The following GLIS3 variants were observed in gnomAD, a reference collection of about 807,000 sequenced individuals.
The protein encoded by GLIS3 is GLIS family zinc finger 3.
Under a neutral mutation model 78.6 loss-of-function variants are expected in GLIS3, and 53 were observed. That is an observed-to-expected ratio of 0.67 (90% CI 0.54 to 0.85). The LOEUF (loss-of-function observed/expected upper bound fraction) is 0.85. Ranked by LOEUF, GLIS3 falls within the 40% of genes least tolerant of loss-of-function variation. GLIS3 has a pLI of 0.00. For synonymous variants in GLIS3, 684 were observed against 509.9 expected (o/e 1.34, Z -4.60); for missense variants, 1,703 against 1,231.1 (o/e 1.38, Z -5.74).
chr9:4,243,228 G>A (rs1490315136), intron 2 of GLIS3, among the ~76,000 whole-genome samples: 1 of 152,196 alleles, frequency 6.6e-6, no homozygotes. Context: ...GTCAGATCTT[G>A]TTTAACCTGT....
At chr9:4,364,032 A>G in the GLIS3 span, among the ~76,000 whole-genome samples, 1 of 152,216 alleles carries the variant, frequency 6.6e-6, no homozygotes, top group Admixed American at 6.5e-5. Flanking sequence ...GGTAGCATAT[A>G]ATCCCTATAG....
intron 4 of GLIS3, among the ~76,000 whole-genome samples, chr9:3,999,833 G>A (rs549715199): frequency 1.3e-5 from 2 of 152,214 alleles, no homozygotes; most frequent in South Asian, 4.2e-4. Flanking sequence ...GAACAGAGCT[G>A]GGGGACTTGC....
chr9:4,430,177 G>A, the GLIS3 span, among the ~76,000 whole-genome samples: 1 of 152,156 alleles, frequency 6.6e-6, no homozygotes. Flanking sequence ...ATAAGAGAGG[G>A]CATTGGAAAC....
At chr9:4,380,211 A>G in the GLIS3 span, among the ~76,000 whole-genome samples, 1 of 152,246 alleles carries the variant, frequency 6.6e-6, no homozygotes, top group Non-Finnish European at 1.5e-5. Context: ...CTAACAGAAT[A>G]AATTTGCCTT....
intron 2 of GLIS3, among the ~76,000 whole-genome samples, chr9:4,327,258 G>A (rs1353907793): frequency 6.6e-6 from 1 of 152,206 alleles, no homozygotes; most frequent in African/African-American, 2.4e-5. Context: ...AGAGAGCAGA[G>A]GGAGGTGGGC....
intron 2 of GLIS3, among the ~76,000 whole-genome samples, chr9:4,264,517 C>A (rs1478961177): frequency 2.0e-5 from 3 of 152,186 alleles, no homozygotes; most frequent in Admixed American, 1.3e-4. Flanking sequence ...AATCTCTGAA[C>A]TTCCTATCTC....
intron 2 of GLIS3, among the ~76,000 whole-genome samples, chr9:4,253,875 C>T (rs1824650371): frequency 6.6e-6 from 1 of 152,188 alleles, no homozygotes; most frequent in South Asian, 2.1e-4. Flanking sequence ...TCCCTGACCC[C>T]TTGCACTTCC....
chr9:4,087,880 G>C (rs907820914), intron 4 of GLIS3, among the ~76,000 whole-genome samples: 1 of 152,082 alleles, frequency 6.6e-6, no homozygotes, highest in Non-Finnish European at 1.5e-5. Context: ...CTCAACACAG[G>C]AATTTATCCA....
intron 2 of GLIS3, among the ~76,000 whole-genome samples, chr9:4,338,757 G>C (rs1335062965): frequency 6.6e-6 from 1 of 152,088 alleles, no homozygotes; most frequent in South Asian, 2.1e-4. Context: ...GAAAGTAGAG[G>C]AACCAAAAAT....
At chr9:4,169,479 C>T (rs756332137) in intron 2 of GLIS3, among the ~76,000 whole-genome samples, 6 of 152,068 alleles carry the variant, frequency 3.9e-5, no homozygotes, top group Non-Finnish European at 8.8e-5. Flanking sequence ...CTTAATGTGC[C>T]GTGTGGCTTT....
At chr9:4,429,681 G>C in the GLIS3 span, among the ~76,000 whole-genome samples, 1 of 152,130 alleles carries the variant, frequency 6.6e-6, no homozygotes, top group Non-Finnish European at 1.5e-5. Flanking sequence ...TGAGGATAGA[G>C]ACTGAGTCTG....
chr9:4,200,192 T>A (rs778054920), intron 2 of GLIS3, among the ~76,000 whole-genome samples: 1 of 151,982 alleles, frequency 6.6e-6, no homozygotes, highest in African/African-American at 2.4e-5. Context: ...AACACCTACC[T>A]TGCAAAATTA....
At chr9:4,126,181 A>G (rs1832561368) in intron 2 of GLIS3, among the ~76,000 whole-genome samples, 1 of 152,136 alleles carries the variant, frequency 6.6e-6, no homozygotes. Flanking sequence ...TACTCCTTCT[A>G]TGTAGAAGTG....
intron 4 of GLIS3, among the ~76,000 whole-genome samples, chr9:4,058,059 C>T (rs759777355): frequency 5.9e-5 from 9 of 152,128 alleles, no homozygotes; most frequent in Non-Finnish European, 1.3e-4. Context: ...AAGCTAAGGA[C>T]AAAAGACAAA....
intron 2 of GLIS3, among the ~76,000 whole-genome samples, chr9:4,149,326 A>C (rs981215009): frequency 2.0e-5 from 3 of 152,210 alleles, no homozygotes; most frequent in African/African-American, 7.2e-5. Context: ...CTTGAAGACC[A>C]TATTAACCTG....
the GLIS3 span, among the ~76,000 whole-genome samples, chr9:4,410,063 C>G: frequency 1.3e-5 from 2 of 152,086 alleles, no homozygotes; most frequent in East Asian, 3.9e-4. Flanking sequence ...CTCTGCCTCC[C>G]AGATTCAAGT....
At chr9:3,833,132 A>T (rs1818143163) in intron 9 of GLIS3, among the ~76,000 whole-genome samples, 1 of 152,208 alleles carries the variant, frequency 6.6e-6, no homozygotes, top group African/African-American at 2.4e-5. Flanking sequence ...AGGACAGAGT[A>T]GACTCTAATT....
chr9:4,443,812 T>A, the GLIS3 span, among the ~76,000 whole-genome samples: 2 of 152,174 alleles, frequency 1.3e-5, no homozygotes, highest in African/African-American at 4.8e-5. Flanking sequence ...GTCCTTGTTT[T>A]CCCCAAATGC....
chr9:3,893,228 C>T (rs1475151839), intron 7 of GLIS3, among the ~76,000 whole-genome samples: 3 of 152,178 alleles, frequency 2.0e-5, no homozygotes, highest in African/African-American at 4.8e-5. Context: ...TGTTTTTGCT[C>T]ACCTACAAAA....
Sources: gnomAD v4.1 joint callset for allele counts (sites outside exome capture counted in the v4.1 genomes callset) on GRCh38, gnomAD v4.1.1 for gene constraint, MANE v1.5 for transcripts, NCBI Gene and HGNC (gene_info 2026-07-23, HGNC 2026-07-21) for gene names.